The following SLC6A11 variants were observed in gnomAD, a reference collection of about 807,000 sequenced individuals.
SLC6A11 encodes the protein solute carrier family 6 member 11, also known as sodium- and chloride-dependent GABA transporter 3.
Under a neutral mutation model 74.8 loss-of-function variants are expected in SLC6A11, and 25 were observed. That is an observed-to-expected ratio of 0.33 (90% CI 0.24 to 0.47). SLC6A11 has a LOEUF of 0.47. Among genes scored for constraint, SLC6A11 ranks in the 20% least tolerant of loss-of-function variants. The pLI, the probability that SLC6A11 is intolerant of heterozygous loss-of-function variation, is 1.00. For synonymous variants in SLC6A11, 330 were observed against 330.2 expected (o/e 1.00, Z 0.01); for missense variants, 574 against 837.0 (o/e 0.69, Z 3.88).
intron 8 of SLC6A11, among the ~76,000 whole-genome samples, chr3:10,919,373 G>A (rs1695504050): frequency 6.6e-6 from 1 of 152,146 alleles, no homozygotes; most frequent in African/African-American, 2.4e-5. Context: ...TGTCCAGTGG[G>A]ACATATTTTT....
chr3:10,893,875 C>T (rs1575692448), intron 6 of SLC6A11, among the ~76,000 whole-genome samples: 4 of 152,182 alleles, frequency 2.6e-5, no homozygotes. Flanking sequence ...ACACTTCAGC[C>T]TTAAGTACGT....
chr3:10,816,653 A>G lies in SLC6A11; in HGVS notation c.256+132A>G, dbSNP rs528712733. 164 of 974,878 alleles carry G rather than the reference A, an allele frequency of 1.7e-4. 1 individual carries two copies. Among genetic ancestry groups the G allele is most frequent in the Non-Finnish European group, 1.3e-4 (93 of 695,744 alleles). The allele number at this position is 974,878 out of a possible 1,614,324, so 60.4% of individuals were successfully genotyped here. ...CGAGCGGAGAACCTCGACTCCAGGCACCTCGCGTGTGAGCTCGCCCCGGAG... is the reference window on the plus strand; with the variant it reads ...CGAGCGGAGAACCTCGACTCCAGGCGCCTCGCGTGTGAGCTCGCCCCGGAG... On this transcript the variant is annotated intron_variant, in intron 1 of 13. Transcript: ENST00000254488. The surrounding 1 kb of genome is among the most constrained non-coding windows in gnomAD (Gnocchi z 4.2).
chr3:10,894,653 G>A (rs983092576), intron 6 of SLC6A11, among the ~76,000 whole-genome samples: 2 of 152,212 alleles, frequency 1.3e-5, no homozygotes, highest in African/African-American at 4.8e-5. Context: ...GGGCAGGGTT[G>A]GAGAGATTGG....
chr3:10,842,538 T>C (rs544481250), intron 4 of SLC6A11, among the ~76,000 whole-genome samples: 28 of 152,344 alleles, frequency 1.8e-4, no homozygotes, highest in African/African-American at 6.7e-4. Flanking sequence ...AGCCAAAGAC[T>C]GCTAAGACAT....
intron 10 of SLC6A11, among the ~76,000 whole-genome samples, chr3:10,932,703 G>A (rs1695706038): frequency 6.6e-6 from 1 of 152,200 alleles, no homozygotes; most frequent in Non-Finnish European, 1.5e-5. Flanking sequence ...AAAGGAGCCA[G>A]AGGGTCACTT....
chr3:10,909,071 A>T (rs1166864419), intron 6 of SLC6A11, among the ~76,000 whole-genome samples: 1 of 148,568 alleles, frequency 6.7e-6, no homozygotes, highest in Admixed American at 6.9e-5. Context: ...CTTCATGGCC[A>T]GTGATGCCCC....
intron 6 of SLC6A11, among the ~76,000 whole-genome samples, chr3:10,892,471 A>G (rs1216764736): frequency 1.3e-5 from 2 of 151,480 alleles, no homozygotes; most frequent in African/African-American, 2.4e-5. Flanking sequence ...GAATCAGGAA[A>G]CCCAGCTCCA....
In SLC6A11 at chr3:10,914,180, CT is replaced by C. The variant is rs572979871; in HGVS notation, c.995+1988del. 3.4e-4 allele frequency among the ~76,000 whole-genome samples: 52 copies of C among 152,282 alleles called. No individual in the cohort carries two copies. In the East Asian group the frequency reaches 9.7e-3, roughly 28 times the overall value. On this transcript the variant is annotated intron_variant, in intron 7 of 13. Coordinates refer to ENST00000254488, the MANE Select transcript of SLC6A11 (RefSeq NM_014229.3). ...AGAACTTTCACCGGTGATAGCGTCCCTCCCACATTACCCCATCTTTGAGACA... is the reference window on the plus strand; with the variant it reads ...AGAACTTTCACCGGTGATAGCGTCCCCCCACATTACCCCATCTTTGAGACA...
chr3:10,843,434 C>G (rs1251292981), intron 4 of SLC6A11, among the ~76,000 whole-genome samples: 1 of 152,170 alleles, frequency 6.6e-6, no homozygotes, highest in African/African-American at 2.4e-5. Flanking sequence ...CTGGCCATGC[C>G]GTTCCTTCCA....
At chr3:10,817,786 G>C (rs577060338) in intron 1 of SLC6A11, among the ~76,000 whole-genome samples, 12 of 152,310 alleles carry the variant, frequency 7.9e-5, no homozygotes, top group African/African-American at 2.9e-4. Flanking sequence ...CACTGGTAAT[G>C]AAGTGGCCGC....
rs1694654862 is a variant in SLC6A11 at position 10,857,690 on chromosome 3, C to G, written c.756+13344C>G. On this transcript the variant is annotated intron_variant, in intron 5 of 13. Transcript: ENST00000254488. The stretch of plus-strand genomic sequence containing the variant: ...AAACAAATGCTTACTCTATGCCAGC[C>G]TTGGTGCCAGGGCTTTTACAAGCCA... Among the ~76,000 whole-genome samples the G allele has an allele frequency of 2.0e-5, 3 of 152,300 alleles. No homozygotes were observed. In the South Asian group the frequency reaches 6.2e-4, roughly 32 times the overall value.
At position 10,866,979 on chromosome 3, in the gene SLC6A11, G is replaced by T. The variant is rs186971938; in HGVS notation, c.757-7982G>T. 4.6e-5 allele frequency among the ~76,000 whole-genome samples: 7 copies of T among 152,264 alleles called. No homozygotes were observed. In the East Asian group the frequency reaches 1.4e-3, roughly 29 times the overall value. On this transcript the variant is annotated intron_variant, in intron 5 of 13. Transcript: ENST00000254488. Reference sequence around the variant, plus strand: ...TTAGTGTTCTTTCCTGGGAATGCAGGTAGTAGTCTCTAAAAAACCAAAGGG... The same window carrying T: ...TTAGTGTTCTTTCCTGGGAATGCAGTTAGTAGTCTCTAAAAAACCAAAGGG...
intron 8 of SLC6A11, among the ~76,000 whole-genome samples, chr3:10,921,906 G>C (rs1369826974): frequency 1.3e-5 from 2 of 152,078 alleles, no homozygotes; most frequent in Non-Finnish European, 2.9e-5. Flanking sequence ...TTGATAAAAG[G>C]GGCAATTCAT....
At chr3:10,821,098 G>A (rs1694133015) in intron 3 of SLC6A11, among the ~76,000 whole-genome samples, 1 of 152,114 alleles carries the variant, frequency 6.6e-6, no homozygotes, top group Non-Finnish European at 1.5e-5. Context: ...TCTCTTTAGG[G>A]CCCTAGTTTT....
At chr3:10,857,723 A>G (rs1017006617) in intron 5 of SLC6A11, among the ~76,000 whole-genome samples, 4 of 152,134 alleles carry the variant, frequency 2.6e-5, no homozygotes, top group Non-Finnish European at 5.9e-5. Context: ...CCACTCACAG[A>G]CCCTGCACCC....
intron 8 of SLC6A11, among the ~76,000 whole-genome samples, chr3:10,919,753 G>A (rs1695511497): frequency 6.6e-6 from 1 of 152,172 alleles, no homozygotes; most frequent in African/African-American, 2.4e-5. Context: ...CACTGGACAG[G>A]AACTGTTACA....
intron 8 of SLC6A11, among the ~76,000 whole-genome samples, chr3:10,922,351 G>T (rs977922241): frequency 6.6e-6 from 1 of 152,110 alleles, no homozygotes; most frequent in African/African-American, 2.4e-5. Context: ...AACAAGATTT[G>T]ACACCCATTT....
In SLC6A11 at chr3:10,816,329, G is replaced by A; in HGVS notation, c.64G>A (p.Glu22Lys). 1 of 1,413,566 alleles carries A rather than the reference G, an allele frequency of 7.1e-7. No individual in the cohort carries two copies. The highest frequency in any genetic ancestry group is 9.2e-7 in the Non-Finnish European group (1 of 1,087,212). The allele number at this position is 1,413,566 out of a possible 1,614,324, so 87.6% of individuals were successfully genotyped here. A position where few individuals can be genotyped will look rare whatever the true frequency, so the allele number is the denominator to read the frequency against. Residue 22 changes from glutamate (E) to lysine (K), a missense_variant, in exon 1 of 14, where the codon GAG becomes AAG. Glu to Lys is a moderately conservative substitution (Grantham distance 56). Transcript: ENST00000254488. This position sits in a 1 kb window ranked among gnomAD's most constrained non-coding sequence, Gnocchi z 4.2. Reference sequence around the variant, plus strand: ...GGCTGCTGAGGAGGCGCGGGAGTCCGAGGCGCCGGGTGGCGGCTGCAGCAG... The same window carrying A: ...GGCTGCTGAGGAGGCGCGGGAGTCCAAGGCGCCGGGTGGCGGCTGCAGCAG... Reference protein sequence around the residue: ...GKAAEEARESEAPGGGCSSGG... With the variant: ...GKAAEEARESKAPGGGCSSGG...
chr3:10,927,362 C>T lies in SLC6A11; in HGVS notation c.1233+1246C>T, dbSNP rs551828509. 1.1e-4 allele frequency among the ~76,000 whole-genome samples: 17 copies of T among 152,324 alleles called. No homozygotes were observed. In the East Asian group the frequency reaches 3.1e-3, roughly 28 times the overall value. ...TTGGGCCTGGGGGCCCGAGGTCTGGCACAAAAAGTGGCGGCCACTCTGCCT... is the reference window on the plus strand; with the variant it reads ...TTGGGCCTGGGGGCCCGAGGTCTGGTACAAAAAGTGGCGGCCACTCTGCCT... On this transcript the variant is annotated intron_variant, in intron 9 of 13. Coordinates refer to ENST00000254488, the MANE Select transcript of SLC6A11 (RefSeq NM_014229.3).
Sources: gnomAD v4.1 joint callset for allele counts (sites outside exome capture counted in the v4.1 genomes callset) on GRCh38, gnomAD v4.1.1 for gene constraint, Gnocchi (gnomAD v3.1) non-coding constraint, MANE v1.5 for transcripts, NCBI Gene and HGNC (gene_info 2026-07-23, HGNC 2026-07-21) for gene names.